Variants in DAAM2 observed in about 807,000 individuals in gnomAD.
The protein encoded by DAAM2 is disheveled-associated activator of morphogenesis 2.
A neutral mutation model predicts 120.7 loss-of-function variants in DAAM2; 39 were observed. The observed-to-expected ratio is 0.32, with a 90% CI of 0.25 to 0.42. DAAM2 has a LOEUF of 0.42. DAAM2 is among the 10% of genes least tolerant of loss of function. The pLI is 1.00. For missense variants in DAAM2, 1,283 were observed against 1,401.7 expected, an observed-to-expected ratio of 0.92 and a Z score of 1.35; for synonymous variants, 488 against 524.9, an observed-to-expected ratio of 0.93 and a Z score of 0.96.
intron 5 of DAAM2, chr6:39,867,295 G>C: frequency 3.5e-6 from 2 of 574,020 alleles, no homozygotes; most frequent in Non-Finnish European, 6.2e-6. Context: ...AACTGACAAT[G>C]ATATGCAAAT....
At position 39,867,810 on chromosome 6, in the gene DAAM2, C is replaced by T. The variant is rs771024325; in HGVS notation, c.729C>T (p.Tyr243=). The T allele has an allele frequency of 6.2e-7, 1 of 1,609,338 alleles. No individual in the cohort carries two copies. The highest frequency in any genetic ancestry group is 1.1e-5 in the South Asian group (1 of 90,532). Residue 243 remains tyrosine, a synonymous_variant, in exon 6 of 25, where the codon TAC becomes TAT. Transcript: ENST00000274867. ...AGGTGCTGCAGGCCATGCTGCACTACCAGGTGTATGCAGCAGAGCGAACCC... is the reference window on the plus strand; with the variant it reads ...AGGTGCTGCAGGCCATGCTGCACTATCAGGTGTATGCAGCAGAGCGAACCC... ...HKKVLQAMLH[Y]QVYAAERTRF...
rs374878407 is a variant in DAAM2, at chr6:39,847,333, G to C, written c.-56-8914G>C. Among the ~76,000 whole-genome samples, 39 of 152,282 alleles carry C rather than the reference G, an allele frequency of 2.6e-4. No homozygotes were observed. The South Asian group carries it at 7.7e-3, about 30-fold the overall frequency. The stretch of plus-strand genomic sequence containing the variant: ...ATGGGTTGCTCTGGTGGGAGAGCTG[G>C]GAGTGGAGCACAGAAGAAAGCTGGA... On this transcript the variant is annotated intron_variant, in intron 1 of 24. Transcript: ENST00000274867.
chr6:39,896,962 C>T lies in DAAM2; in HGVS notation c.2492C>T (p.Thr831Ile), dbSNP rs1261494530. 2 of 1,610,468 alleles carry T rather than the reference C, an allele frequency of 1.2e-6. No homozygotes were observed. The highest frequency in any genetic ancestry group is 1.7e-6 in the Non-Finnish European group (2 of 1,178,206). Residue 831 changes from threonine to isoleucine, a missense_variant, in exon 20 of 25, where the codon ACC (threonine) becomes ATC (isoleucine). Coordinates refer to ENST00000274867, the MANE Select transcript of DAAM2 (RefSeq NM_001201427.2). Reference protein sequence around the residue: ...RVASLNKIADTKSSIDRNISL... With the variant: ...RVASLNKIADIKSSIDRNISL... ...GCCAGCCTCAACAAGATCGCTGACA[C>T]CAAGTCCAGCATCGACAGGTGAGGA...
In DAAM2 at chr6:39,857,172, C is replaced by A. The variant is rs180962950; in HGVS notation, c.168+702C>A. ...GACAGGCTAGGAAAGAAGCATGATT[C>A]CTTCTCTCTTTGGAGGTCTGGTGGT... On this transcript the variant is annotated intron_variant, in intron 2 of 24. Coordinates refer to ENST00000274867, the MANE Select transcript of DAAM2 (RefSeq NM_001201427.2). 7.9e-5 allele frequency among the ~76,000 whole-genome samples: 12 copies of A among 152,300 alleles called. No individual in the cohort carries two copies. The East Asian group carries it at 2.3e-3, about 29-fold the overall frequency.
intron 1 of DAAM2, among the ~76,000 whole-genome samples, chr6:39,847,112 G>C (rs908356225): frequency 6.6e-6 from 1 of 152,208 alleles, no homozygotes; most frequent in African/African-American, 2.4e-5. Context: ...GCACAGCCCC[G>C]GGGGCCAGGT....
chr6:39,830,065 C>T (rs1281419297), intron 1 of DAAM2, among the ~76,000 whole-genome samples: 1 of 152,104 alleles, frequency 6.6e-6, no homozygotes, highest in South Asian at 2.1e-4. Flanking sequence ...ATTTGTACCC[C>T]CTTTCCGACT....
intron 1 of DAAM2, chr6:39,793,209 C>A: frequency 6.6e-6 from 1 of 152,398 alleles, no homozygotes; most frequent in Non-Finnish European, 1.5e-5. Context: ...ACGCTGTGGC[C>A]CTGTGTCCAG....
At chr6:39,827,656 G>C (rs555127725) in intron 1 of DAAM2, among the ~76,000 whole-genome samples, 1 of 152,216 alleles carries the variant, frequency 6.6e-6, no homozygotes, top group East Asian at 1.9e-4. Context: ...TTTCCTTGGG[G>C]TCCTCATGCC....
intron 1 of DAAM2, among the ~76,000 whole-genome samples, chr6:39,827,313 G>A (rs115489466): frequency 0.013 from 2,040 of 152,228 alleles, 37 homozygotes; most frequent in East Asian, 0.038. Flanking sequence ...CATTCTCAAC[G>A]TCTTGTGCAT....
At chr6:39,884,237 A>C in intron 15 of DAAM2, 168 bp downstream of exon 15, 1 of 569,704 alleles carries the variant, frequency 1.8e-6, no homozygotes. Flanking sequence ...TGTATACTGA[A>C]TGATTTTATT....
intron 1 of DAAM2, among the ~76,000 whole-genome samples, chr6:39,835,976 G>A (rs1041200946): frequency 3.3e-5 from 5 of 152,174 alleles, no homozygotes; most frequent in Admixed American, 6.5e-5. Flanking sequence ...GGCAGGGTTG[G>A]GGGTGGGGTG....
At chr6:39,875,193 CTCT>C (rs1764820016) in intron 10 of DAAM2, 134 bp from the exon 11 acceptor site, 1 of 885,782 alleles carries the variant, frequency 1.1e-6, no homozygotes, top group Non-Finnish European at 1.7e-6. Flanking sequence ...ATGGCATTGC[CTCT>C]TCTTCTAGAC....
chr6:39,808,614 AT>A (rs1762078275), intron 1 of DAAM2, among the ~76,000 whole-genome samples: 1 of 152,232 alleles, frequency 6.6e-6, no homozygotes, highest in Non-Finnish European at 1.5e-5. Flanking sequence ...AGTGCAGTCG[AT>A]TCAGCTCTTT....
At chr6:39,894,615 T>A (rs953045990) in intron 19 of DAAM2, among the ~76,000 whole-genome samples, 1 of 151,658 alleles carries the variant, frequency 6.6e-6, no homozygotes, top group African/African-American at 2.4e-5. Flanking sequence ...CTTTATTTTT[T>A]AAATTTTTAC....
Position 39,878,935 on chromosome 6 carries a change from C to T in DAAM2, c.1546-243C>T, listed in dbSNP as rs1764987088. The stretch of plus-strand genomic sequence containing the variant: ...TGCTGTTGCATTGTGATGGCTATGA[C>T]TCTGATTGTCCAGTGTCCGTGTGCG... On this transcript the variant is annotated intron_variant, in intron 13 of 24. Coordinates refer to ENST00000274867, the MANE Select transcript of DAAM2 (RefSeq NM_001201427.2). This position sits in a 1 kb window ranked among gnomAD's most constrained non-coding sequence, Gnocchi z 5.0. Among the ~76,000 whole-genome samples, 1 of 152,000 alleles carries T rather than the reference C, an allele frequency of 6.6e-6. No individual in the cohort carries two copies. Among genetic ancestry groups the T allele is most frequent in the African/African-American group, 2.4e-5 (1 of 41,370 alleles).
Position 39,896,865 on chromosome 6 carries a change from C to T in DAAM2, c.2395C>T (p.Leu799=). 2 of 1,613,490 alleles carry T rather than the reference C, an allele frequency of 1.2e-6. No homozygotes were observed. The highest frequency in any genetic ancestry group is 2.2e-5 in the South Asian group (2 of 91,022). The stretch of plus-strand genomic sequence containing the variant: ...CCGCAGCAAGCGTCTTAGACAGATG[C>T]TAGAGGTCATCCTAGCCATAGGCAA... ...LVRSKRLRQM[L]EVILAIGNFM... Residue 799 remains leucine (L), a synonymous_variant, in exon 20 of 25, where the codon CTA becomes TTA. Transcript: ENST00000274867.
Position 39,901,827 on chromosome 6 carries a change from G to A in DAAM2, c.2997G>A (p.Arg999=), listed in dbSNP as rs764468402. The A allele has an allele frequency of 1.3e-6, 2 of 1,550,120 alleles. No individual in the cohort carries two copies. Among genetic ancestry groups the A allele is most frequent in the Non-Finnish European group, 1.7e-6 (2 of 1,145,696 alleles). ...CCCGCCCGCAGCTGAAGGAGCAGAG[G>A]GAACGTGAGCGGTGGCAGCGGCAGC... ...ARMEAMLKEQ[R]ERERWQRQRK... is the part of the protein sequence containing the mutation. Residue 999 remains arginine (R), a synonymous_variant, in exon 25 of 25, where the codon AGG becomes AGA. Coordinates refer to ENST00000274867, the MANE Select transcript of DAAM2 (RefSeq NM_001201427.2). This position sits in a 1 kb window ranked among gnomAD's most constrained non-coding sequence, Gnocchi z 4.5.
At chr6:39,796,619 C>CAAAA (rs58885455) in intron 1 of DAAM2, among the ~76,000 whole-genome samples, 4 of 109,618 alleles carry the variant, frequency 3.6e-5, no homozygotes, top group Non-Finnish European at 3.5e-5. Flanking sequence ...GGTCCCCCTC[C>CAAAA]AAAAAAAAAA....
intron 1 of DAAM2, among the ~76,000 whole-genome samples, chr6:39,817,982 G>A (rs1051774505): frequency 6.6e-6 from 1 of 151,864 alleles, no homozygotes; most frequent in Non-Finnish European, 1.5e-5. Context: ...AGTTTGAGAC[G>A]AGTCTGGCCA....
Sources: gnomAD v4.1 joint callset for allele counts (sites outside exome capture counted in the v4.1 genomes callset) on GRCh38, gnomAD v4.1.1 for gene constraint, Gnocchi (gnomAD v3.1) non-coding constraint, MANE v1.5 for transcripts, NCBI Gene and HGNC (gene_info 2026-07-23, HGNC 2026-07-21) for gene names.